IGFL4: variants seen among roughly 807,000 people sequenced by gnomAD.
IGFL4 encodes the protein insulin growth factor-like family member 4.
In IGFL4, 12 loss-of-function variants were observed where a neutral mutation model predicts 15.4. That is an observed-to-expected ratio of 0.78 (90% CI 0.50 to 1.26). The LOEUF (loss-of-function observed/expected upper bound fraction) is 1.26. Ranked by LOEUF, IGFL4 falls within the 50% of genes most tolerant of loss-of-function variation. The pLI is 0.00. For synonymous variants in IGFL4, 54 were observed against 55.9 expected (o/e 0.97, Z 0.16); for missense variants, 126 against 147.8 (o/e 0.85, Z 0.76).
upstream of IGFL4, among the ~76,000 whole-genome samples, chr19:46,044,000 A>C (rs563655316): frequency 1.1e-3 from 167 of 152,292 alleles, 1 homozygote; most frequent in African/African-American, 3.8e-3. Flanking sequence ...AGCATCTTCA[A>C]CTGAAATATA....
intron 1 of IGFL4, among the ~76,000 whole-genome samples, chr19:46,065,417 G>A (rs1156461045): frequency 6.6e-6 from 1 of 152,328 alleles, no homozygotes; most frequent in Admixed American, 6.5e-5. Flanking sequence ...TGCGTCCTGT[G>A]TTCAAGTGAT....
intron 1 of IGFL4, among the ~76,000 whole-genome samples, chr19:46,072,882 G>A (rs1226927708): frequency 6.6e-6 from 1 of 152,148 alleles, no homozygotes; most frequent in Non-Finnish European, 1.5e-5. Context: ...TCTGGATCTC[G>A]GGGGAGATGC....
rs1969234920 is a variant in IGFL4 at position 46,040,814 on chromosome 19, CAT to C, written c.19+128_19+129del. On this transcript the variant is annotated intron_variant, in intron 1 of 3. Coordinates refer to ENST00000377697, the MANE Select transcript of IGFL4 (RefSeq NM_001002923.3). This position sits in a 1 kb window ranked among gnomAD's most constrained non-coding sequence, Gnocchi z 4.1. ...CAGATTACAATGCAGTCACAGATGACATAGCAGTGATTATGAGGTGGGACACC... is the reference window on the plus strand; with the variant it reads ...CAGATTACAATGCAGTCACAGATGACAGCAGTGATTATGAGGTGGGACACC... 9 of 969,494 alleles carry C rather than the reference CAT, an allele frequency of 9.3e-6. No individual in the cohort carries two copies. The East Asian group carries it at 2.1e-4, about 23-fold the overall frequency. 60.1% of individuals were successfully genotyped at this position (969,494 alleles called of 1,614,324 possible).
intron 2 of IGFL4, among the ~76,000 whole-genome samples, chr19:46,047,865 C>T (rs116017781): frequency 1.6e-4 from 24 of 152,300 alleles, no homozygotes; most frequent in African/African-American, 3.6e-4. Context: ...ACAATTTCTA[C>T]GGAAACTATT....
chr19:46,048,288 A>G (rs1325697333), intron 2 of IGFL4, among the ~76,000 whole-genome samples: 1 of 152,184 alleles, frequency 6.6e-6, no homozygotes, highest in African/African-American at 2.4e-5. Context: ...TAGAAGCCAT[A>G]TATGACAAAC....
intron 2 of IGFL4, among the ~76,000 whole-genome samples, chr19:46,050,511 A>C (rs1354440495): frequency 6.6e-6 from 1 of 152,248 alleles, no homozygotes; most frequent in Non-Finnish European, 1.5e-5. Context: ...AAACTTAGAG[A>C]AATGCAAAAT....
chr19:46,066,650 C>G (rs931435564), intron 1 of IGFL4, among the ~76,000 whole-genome samples: 1 of 152,094 alleles, frequency 6.6e-6, no homozygotes, highest in Non-Finnish European at 1.5e-5. Flanking sequence ...GAAGCAGGAG[C>G]AAGCATGTCA....
upstream of IGFL4, among the ~76,000 whole-genome samples, chr19:46,043,490 A>G (rs4803891): frequency 0.24 from 37,199 of 152,130 alleles, 5,470 homozygotes; most frequent in East Asian, 0.5. Flanking sequence ...GAATGGCCCA[A>G]ACAATTTTGG....
chr19:46,045,625 A>G (rs995875152), upstream of IGFL4, among the ~76,000 whole-genome samples: 4 of 152,054 alleles, frequency 2.6e-5, no homozygotes, highest in African/African-American at 9.7e-5. Flanking sequence ...TCACAATGCA[A>G]TCATAAGTAT....
chr19:46,061,162 C>T (rs1248428230), intron 1 of IGFL4, among the ~76,000 whole-genome samples: 1 of 152,160 alleles, frequency 6.6e-6, no homozygotes, highest in Non-Finnish European at 1.5e-5. Flanking sequence ...TTTATTCTAT[C>T]TTAAAACTTA....
Position 46,052,966 on chromosome 19 carries a change from GAAAAAA to G in IGFL4, c.-323+7213_-323+7218del, listed in dbSNP as rs71175255. The stretch of plus-strand genomic sequence containing the variant: ...AAAAGCTTTGGGAGAAGTCAGAAAA[GAAAAAA>G]AAAAAAAAAAAGCAGGAGGAACCCT... On this transcript the variant is annotated intron_variant, in intron 2 of 5. Coordinates refer to the IGFL4 transcript ENST00000601672. Among the ~76,000 whole-genome samples the G allele has an allele frequency of 5.3e-5, 6 of 112,438 alleles. No homozygotes were observed. The East Asian group carries it at 1.7e-3, about 32-fold the overall frequency. 73.8% of individuals were successfully genotyped at this position (112,438 alleles called of 152,430 possible). A position where few individuals can be genotyped will look rare whatever the true frequency, so the allele number is the denominator to read the frequency against.
chr19:46,077,512 C>T (rs909076646), upstream of IGFL4, among the ~76,000 whole-genome samples: 1 of 152,184 alleles, frequency 6.6e-6, no homozygotes, highest in African/African-American at 2.4e-5. This position sits in a 1 kb window ranked among gnomAD's most constrained non-coding sequence, Gnocchi z 5.4. Flanking sequence ...GGAAGTGGAC[C>T]CAGCCGCAAA....
At chr19:46,066,693 G>A (rs890969740) in intron 1 of IGFL4, among the ~76,000 whole-genome samples, 1 of 152,110 alleles carries the variant, frequency 6.6e-6, no homozygotes, top group Non-Finnish European at 1.5e-5. Flanking sequence ...CTGAGAGGAA[G>A]TGTCACACAT....
intron 1 of IGFL4, among the ~76,000 whole-genome samples, chr19:46,064,083 A>AG (rs1395987356): frequency 6.6e-6 from 1 of 151,878 alleles, no homozygotes; most frequent in African/African-American, 2.4e-5. Flanking sequence ...AAAAAAAAAA[A>AG]AAATTCCAAC....
intron 1 of IGFL4, among the ~76,000 whole-genome samples, chr19:46,068,325 G>A (rs2146527911): frequency 6.6e-6 from 1 of 152,310 alleles, no homozygotes; most frequent in Admixed American, 6.5e-5. Context: ...CTGGGATACA[G>A]GGTACATTAA....
Position 46,039,920 on chromosome 19 carries a change from C to A in IGFL4, c.347G>T (p.Ser116Ile). 1 of 1,613,386 alleles carries A rather than the reference C, an allele frequency of 6.2e-7. No homozygotes were observed. The highest frequency in any genetic ancestry group is 1.7e-5 in the Admixed American group (1 of 60,010). Residue 116 changes from serine to isoleucine, a missense_variant, in exon 4 of 4, where the codon AGC becomes ATC. Coordinates refer to ENST00000377697, the MANE Select transcript of IGFL4 (RefSeq NM_001002923.3). ...GATGAGGTCAGATCTTGACACAGGG[C>A]TTTTTGGGTGGTATTCCTGCAGAAG... Reference protein sequence around the residue: ...RICAQEYHPKSPVSRSDLI With the variant: ...RICAQEYHPKIPVSRSDLI
intron 1 of IGFL4, among the ~76,000 whole-genome samples, chr19:46,075,522 G>A (rs927630365): frequency 3.3e-5 from 5 of 152,164 alleles, no homozygotes; most frequent in South Asian, 2.1e-4. Context: ...GAATTTGTGT[G>A]ATTTTTCCCT....
At chr19:46,058,797 C>T (rs1465251443) in intron 2 of IGFL4, 1 of 152,254 alleles carries the variant, frequency 6.6e-6, no homozygotes, top group African/African-American at 2.4e-5. Context: ...ACCTTGGCCC[C>T]TTTTATCCAT....
chr19:46,056,799 G>A (rs572800199), intron 2 of IGFL4, among the ~76,000 whole-genome samples: 45 of 152,302 alleles, frequency 3.0e-4, no homozygotes, highest in African/African-American at 1.0e-3. Context: ...AGCCCATTAC[G>A]TCATTTCTCA....
Sources: allele counts gnomAD v4.1 joint callset (sites outside exome capture counted in the v4.1 genomes callset), GRCh38; gene constraint gnomAD v4.1.1; non-coding constraint Gnocchi (gnomAD v3.1); transcripts MANE v1.5; gene names NCBI Gene and HGNC (gene_info 2026-07-23, HGNC 2026-07-21).